SHC3: variants seen among roughly 807,000 people sequenced by gnomAD.
The protein encoded by SHC3 is SHC-transforming protein 3.
Under a neutral mutation model 60.4 loss-of-function variants are expected in SHC3, and 15 were observed. That is an observed-to-expected ratio of 0.25 (90% CI 0.17 to 0.38). The LOEUF (loss-of-function observed/expected upper bound fraction) is 0.38, where lower values mean the gene tolerates loss of function less well. Among genes scored for constraint, SHC3 ranks in the 10% least tolerant of loss-of-function variants. The probability of loss-of-function intolerance (pLI) is 1.00; values close to 1 mark genes in which losing one functional copy is unlikely to be tolerated. For missense variants in SHC3, 677 were observed against 786.1 expected (o/e 0.86, Z 1.66); for synonymous variants, 294 against 325.9 (o/e 0.90, Z 1.05).
chr9:89,100,501 G>T (rs1203913155), intron 2 of SHC3, among the ~76,000 whole-genome samples: 1 of 152,046 alleles, frequency 6.6e-6, no homozygotes, highest in South Asian at 2.1e-4. Flanking sequence ...CTCCCAAAGT[G>T]CTGGGAGCTA....
At chr9:89,043,346 G>A (rs1564095480) in intron 9 of SHC3, among the ~76,000 whole-genome samples, 2 of 152,318 alleles carry the variant, frequency 1.3e-5, no homozygotes, top group East Asian at 3.9e-4. Context: ...ACATTGAAGA[G>A]TCTAGTCAGA....
rs1277322136 is a variant in SHC3 at position 89,162,147 on chromosome 9, C to T, written c.474+15840G>A. Reference sequence around the variant, plus strand: ...GCTCATAGGTAGGAAGAATCAATATCGTGAAAATGGCCATACTGCCCAAGG... The same window carrying T: ...GCTCATAGGTAGGAAGAATCAATATTGTGAAAATGGCCATACTGCCCAAGG... On this transcript the variant is annotated intron_variant, in intron 1 of 11. Transcript: ENST00000375835. Among the ~76,000 whole-genome samples, 15 of 145,568 alleles carry T rather than the reference C, an allele frequency of 1.0e-4. No homozygotes were observed. In the South Asian group the frequency reaches 2.2e-3, roughly 22 times the overall value.
At chr9:89,068,655 T>A (rs1825220264) in intron 5 of SHC3, among the ~76,000 whole-genome samples, 1 of 151,612 alleles carries the variant, frequency 6.6e-6, no homozygotes, top group Non-Finnish European at 1.5e-5. Context: ...TACTAAATGT[T>A]TCCAATTTTT....
chr9:89,168,426 T>C (rs908684937), intron 1 of SHC3, among the ~76,000 whole-genome samples: 8 of 152,002 alleles, frequency 5.3e-5, no homozygotes, highest in African/African-American at 1.2e-4. Context: ...ATTGCACCAT[T>C]GTACTCCAGC....
intron 6 of SHC3, among the ~76,000 whole-genome samples, chr9:89,052,637 G>C (rs757975613): frequency 2.6e-5 from 4 of 152,194 alleles, no homozygotes; most frequent in Non-Finnish European, 5.9e-5. Context: ...AGAGCAAGTA[G>C]TTCACTTGCT....
At chr9:89,135,173 G>A (rs1042066591) in intron 1 of SHC3, among the ~76,000 whole-genome samples, 3 of 152,040 alleles carry the variant, frequency 2.0e-5, no homozygotes, top group African/African-American at 7.2e-5. Flanking sequence ...TGACTCAAAC[G>A]GTGTGCTTTC....
intron 11 of SHC3, among the ~76,000 whole-genome samples, chr9:89,023,183 G>T (rs1316402324): frequency 6.6e-6 from 1 of 152,204 alleles, no homozygotes; most frequent in Non-Finnish European, 1.5e-5. Context: ...CATGAGAGCT[G>T]ATTGCCCTTC....
At chr9:89,156,479 T>C (rs892183497) in intron 1 of SHC3, among the ~76,000 whole-genome samples, 1 of 152,048 alleles carries the variant, frequency 6.6e-6, no homozygotes, top group Non-Finnish European at 1.5e-5. Flanking sequence ...CCCAAAGACA[T>C]AATTTTTTTA....
intron 1 of SHC3, among the ~76,000 whole-genome samples, chr9:89,126,315 G>T (rs1168856584): frequency 3.3e-5 from 5 of 152,194 alleles, no homozygotes; most frequent in Non-Finnish European, 4.4e-5. Context: ...ACTTAGGAAG[G>T]TTAGAGTTCT....
chr9:89,056,145 T>C (rs1824945151), intron 6 of SHC3, among the ~76,000 whole-genome samples: 1 of 152,262 alleles, frequency 6.6e-6, no homozygotes, highest in Admixed American at 6.5e-5. Flanking sequence ...GGCTGATTTC[T>C]TATCTTATAT....
At chr9:89,024,159 A>C (rs1436588033) in intron 11 of SHC3, among the ~76,000 whole-genome samples, 3 of 152,194 alleles carry the variant, frequency 2.0e-5, no homozygotes, top group Non-Finnish European at 4.4e-5. Context: ...AGCCCCTCTC[A>C]GGATGCTCCC....
chr9:89,136,852 A>C (rs769508704), intron 1 of SHC3, among the ~76,000 whole-genome samples: 14 of 152,144 alleles, frequency 9.2e-5, no homozygotes, highest in Non-Finnish European at 1.5e-4. Context: ...ACCATTCTGC[A>C]CTGCTATAAA....
At chr9:89,032,630 C>A (rs536954016) in intron 11 of SHC3, among the ~76,000 whole-genome samples, 13 of 152,308 alleles carry the variant, frequency 8.5e-5, no homozygotes, top group Non-Finnish European at 1.6e-4. Context: ...ATTTTAGAGT[C>A]AATATTCTTG....
At chr9:89,019,100 C>G (rs906530144) in intron 11 of SHC3, among the ~76,000 whole-genome samples, 1 of 151,296 alleles carries the variant, frequency 6.6e-6, no homozygotes, top group Non-Finnish European at 1.5e-5. Context: ...AAAAACCCTA[C>G]AGCTAACATT....
At chr9:89,093,588 A>G (rs548265482) in intron 2 of SHC3, among the ~76,000 whole-genome samples, 1 of 152,196 alleles carries the variant, frequency 6.6e-6, no homozygotes, top group African/African-American at 2.4e-5. Flanking sequence ...GTGAACAGAT[A>G]ATTCATAACA....
chr9:89,099,038 T>C (rs1174829357), intron 2 of SHC3, among the ~76,000 whole-genome samples: 3 of 152,146 alleles, frequency 2.0e-5, no homozygotes, highest in African/African-American at 4.8e-5. Context: ...GTCATATTCT[T>C]ATATCTTTTT....
At chr9:89,053,898 C>T (rs773531683) in intron 6 of SHC3, among the ~76,000 whole-genome samples, 36 of 152,170 alleles carry the variant, frequency 2.4e-4, no homozygotes, top group Non-Finnish European at 4.6e-4. Flanking sequence ...CAGTGAGACA[C>T]CTCGTTCCCC....
intron 2 of SHC3, among the ~76,000 whole-genome samples, chr9:89,092,128 G>A (rs1388230380): frequency 1.3e-5 from 2 of 152,132 alleles, no homozygotes; most frequent in Non-Finnish European, 2.9e-5. Flanking sequence ...GTGAAGAAAG[G>A]GCCACTTTCC....
intron 1 of SHC3, among the ~76,000 whole-genome samples, chr9:89,165,050 A>C (rs1055967051): frequency 1.3e-4 from 20 of 152,344 alleles, no homozygotes; most frequent in South Asian, 2.1e-4. Flanking sequence ...GTCTAACAAT[A>C]GGGAACTGTT....
Sources: allele counts gnomAD v4.1 joint callset (sites outside exome capture counted in the v4.1 genomes callset), GRCh38; gene constraint gnomAD v4.1.1; transcripts MANE v1.5; gene names NCBI Gene and HGNC (gene_info 2026-07-23, HGNC 2026-07-21).